The following SLC24A3 variants were observed in gnomAD, a reference collection of about 807,000 sequenced individuals.
SLC24A3 encodes the protein solute carrier family 24 member 3.
Under a neutral mutation model 75.8 loss-of-function variants are expected in SLC24A3, and 28 were observed. That is an observed-to-expected ratio of 0.37 (90% confidence interval 0.27 to 0.51). SLC24A3 has a LOEUF of 0.51. Ranked by LOEUF, SLC24A3 falls within the 20% of genes least tolerant of loss-of-function variation. The pLI, the probability that SLC24A3 is intolerant of heterozygous loss-of-function variation, is 0.94. For missense variants in SLC24A3, 663 were observed against 847.8 expected, an observed-to-expected ratio of 0.78 and a Z score of 2.71; for synonymous variants, 372 against 334.1, an observed-to-expected ratio of 1.11 and a Z score of -1.24.
intron 6 of SLC24A3, among the ~76,000 whole-genome samples, chr20:19,629,983 T>C (rs1441403561): frequency 6.6e-6 from 1 of 152,184 alleles, no homozygotes; most frequent in African/African-American, 2.4e-5. Context: ...TAAAGGTAAA[T>C]ACATACACAA....
chr20:19,674,113 G>A (rs1028640715), intron 9 of SLC24A3, among the ~76,000 whole-genome samples: 1 of 152,178 alleles, frequency 6.6e-6, no homozygotes, highest in Admixed American at 6.5e-5. Flanking sequence ...GGAATTCCTA[G>A]GGTAGGACCT....
chr20:19,225,043 C>G (rs73899676), intron 1 of SLC24A3, among the ~76,000 whole-genome samples: 1,534 of 152,250 alleles, frequency 0.01, 23 homozygotes, highest in African/African-American at 0.035. Context: ...TTGGAATGCT[C>G]CTAGGTTGCT....
chr20:19,520,084 T>C (rs1324035651), intron 3 of SLC24A3, among the ~76,000 whole-genome samples: 9 of 152,206 alleles, frequency 5.9e-5, no homozygotes, highest in Non-Finnish European at 7.3e-5. Context: ...CTTGTGTGTA[T>C]GAGAGTAGAA....
intron 15 of SLC24A3, among the ~76,000 whole-genome samples, chr20:19,704,466 T>G (rs2032906155): frequency 6.6e-6 from 1 of 152,198 alleles, no homozygotes; most frequent in Non-Finnish European, 1.5e-5. Context: ...CAATAGGGAT[T>G]CAGAAGTGAA....
chr20:19,314,291 A>G (rs1984528807), intron 2 of SLC24A3, among the ~76,000 whole-genome samples: 1 of 145,282 alleles, frequency 6.9e-6, no homozygotes, highest in Admixed American at 7.0e-5. Flanking sequence ...ATTTTATTTT[A>G]TTTTATTTTA....
chr20:19,398,389 CAT>C (rs1986493707), intron 2 of SLC24A3, among the ~76,000 whole-genome samples: 1 of 152,266 alleles, frequency 6.6e-6, no homozygotes, highest in South Asian at 2.1e-4. Context: ...AGATCTGACA[CAT>C]CTTTTGTCAG....
chr20:19,218,013 G>T (rs1183897885), intron 1 of SLC24A3, among the ~76,000 whole-genome samples: 1 of 152,140 alleles, frequency 6.6e-6, no homozygotes, highest in Non-Finnish European at 1.5e-5. Flanking sequence ...GGTCCAGGAG[G>T]TCAGGGACCC....
intron 3 of SLC24A3, among the ~76,000 whole-genome samples, chr20:19,531,189 G>A (rs976312953): frequency 1.3e-5 from 2 of 152,116 alleles, no homozygotes; most frequent in Non-Finnish European, 2.9e-5. Flanking sequence ...AGGTTAACAG[G>A]CCACTGGTCA....
At chr20:19,482,459 G>T (rs1988070879) in intron 2 of SLC24A3, among the ~76,000 whole-genome samples, 13 of 152,104 alleles carry the variant, frequency 8.5e-5, no homozygotes, top group Admixed American at 8.5e-4. Flanking sequence ...CCTTGCACAG[G>T]TCTTAGACTC....
intron 1 of SLC24A3, among the ~76,000 whole-genome samples, chr20:19,217,868 A>G (rs2122127628): frequency 6.6e-6 from 1 of 152,188 alleles, no homozygotes; most frequent in African/African-American, 2.4e-5. Context: ...CTGGCTCGAG[A>G]TCTTCCTGAA....
At chr20:19,319,204 T>C (rs1984650668) in intron 2 of SLC24A3, among the ~76,000 whole-genome samples, 2 of 152,248 alleles carry the variant, frequency 1.3e-5, no homozygotes, top group African/African-American at 4.8e-5. Flanking sequence ...CCATGGACTC[T>C]ACTGTCCCAT....
intron 2 of SLC24A3, among the ~76,000 whole-genome samples, chr20:19,434,750 T>C (rs1236937105): frequency 6.7e-6 from 1 of 148,904 alleles, no homozygotes; most frequent in Non-Finnish European, 1.5e-5. Context: ...ATAGGATGCT[T>C]TTTTTTTTTT....
chr20:19,489,863 G>A (rs1330812872), intron 2 of SLC24A3, among the ~76,000 whole-genome samples: 2 of 152,150 alleles, frequency 1.3e-5, no homozygotes, highest in Non-Finnish European at 2.9e-5. Context: ...TCTCCCTCTG[G>A]AATGTGCCGT....
chr20:19,359,531 T>G (rs1985749293), intron 2 of SLC24A3, among the ~76,000 whole-genome samples: 1 of 152,032 alleles, frequency 6.6e-6, no homozygotes, highest in South Asian at 2.1e-4. Flanking sequence ...TCAGGGAAAA[T>G]GAGCATGTCC....
At chr20:19,553,067 T>TCCC (rs2030723806) in intron 3 of SLC24A3, among the ~76,000 whole-genome samples, 1 of 98,976 alleles carries the variant, frequency 1.0e-5, no homozygotes, top group Admixed American at 1.1e-4. Context: ...CCCTCCTTCC[T>TCCC]TCCCTCCCTC....
chr20:19,676,106 G>T (rs6112510), intron 9 of SLC24A3, among the ~76,000 whole-genome samples: 58 of 152,280 alleles, frequency 3.8e-4, no homozygotes, highest in South Asian at 3.1e-3. Context: ...TTCACTAAGG[G>T]CTTCAGAGAG....
At chr20:19,543,661 G>A (rs2122590100) in intron 3 of SLC24A3, among the ~76,000 whole-genome samples, 2 of 152,296 alleles carry the variant, frequency 1.3e-5, no homozygotes, top group South Asian at 2.1e-4. Context: ...AGGCCACAGA[G>A]GAAGTCTGGC....
chr20:19,274,373 C>A (rs1983420948), intron 1 of SLC24A3, among the ~76,000 whole-genome samples: 1 of 152,044 alleles, frequency 6.6e-6, no homozygotes, highest in Non-Finnish European at 1.5e-5. Flanking sequence ...ATATTCCCTT[C>A]TCTGACTTTC....
intron 2 of SLC24A3, chr20:19,283,360 G>A (rs1983714753): frequency 6.6e-6 from 1 of 152,268 alleles, no homozygotes; most frequent in South Asian, 2.1e-4. Flanking sequence ...CACATGTGCT[G>A]TTAAATATGG....
Sources: allele counts gnomAD v4.1 joint callset (sites outside exome capture counted in the v4.1 genomes callset), GRCh38; gene constraint gnomAD v4.1.1; transcripts MANE v1.5; gene names NCBI Gene and HGNC (gene_info 2026-07-23, HGNC 2026-07-21).